The following GPATCH2L variants were observed in gnomAD, a reference collection of about 807,000 sequenced individuals.
GPATCH2L encodes the protein G patch domain-containing protein 2-like.
A neutral mutation model predicts 57.4 loss-of-function variants in GPATCH2L; 31 were observed. The ratio of observed to expected loss-of-function variants is 0.54; its 90% CI spans 0.41 to 0.73. The LOEUF (loss-of-function observed/expected upper bound fraction) is 0.73, where lower values mean the gene tolerates loss of function less well. GPATCH2L is among the 30% of genes least tolerant of loss of function. The pLI, the probability that GPATCH2L is intolerant of heterozygous loss-of-function variation, is 0.00. For synonymous variants in GPATCH2L, 199 were observed against 210.7 expected (o/e 0.94, Z 0.48); for missense variants, 481 against 599.9 (o/e 0.80, Z 2.07).
At chr14:76,218,413 G>A (rs1025504304), downstream of GPATCH2L, among the ~76,000 whole-genome samples, 8 of 152,010 alleles carry the variant, frequency 5.3e-5, no homozygotes, top group East Asian at 1.5e-3. Flanking sequence ...TCTAAGGGAA[G>A]AAAAGACCCA....
At chr14:76,155,316 T>C (rs2038255338) in intron 2 of GPATCH2L, among the ~76,000 whole-genome samples, 1 of 152,248 alleles carries the variant, frequency 6.6e-6, no homozygotes, top group South Asian at 2.1e-4. Context: ...ATTTGCTGCT[T>C]ATTATGCCAT....
chr14:76,235,267 C>A (rs770315425), intron 2 of GPATCH2L, among the ~76,000 whole-genome samples: 8 of 152,082 alleles, frequency 5.3e-5, no homozygotes, highest in African/African-American at 9.7e-5. Context: ...TGTCCCCACC[C>A]AAATCTCACC....
rs762903215 is a variant in GPATCH2L, at chr14:76,201,720, C to T, written c.1318C>T (p.Pro440Ser). 18 of 1,613,582 alleles carry T rather than the reference C, an allele frequency of 1.1e-5. No individual in the cohort carries two copies. The highest frequency in any genetic ancestry group is 1.5e-5 in the Non-Finnish European group (18 of 1,179,690). ...CATGGATGCAGTGGAGCCAACCACA[C>T]CAGCATCACAAGCCCCCAAATCACC... ...VHMDAVEPTT[P>S]ASQAPKSPSS... The change falls in exon 10 of 10, where the codon CCA becomes TCA. Residue 440 changes from proline to serine, a missense_variant. By Grantham distance (74) the Pro-to-Ser change is moderately conservative. Coordinates refer to ENST00000261530, the MANE Select transcript of GPATCH2L (RefSeq NM_017926.4).
At chr14:76,229,577 C>T (rs1396754646) in intron 1 of GPATCH2L, among the ~76,000 whole-genome samples, 2 of 152,152 alleles carry the variant, frequency 1.3e-5, no homozygotes, top group South Asian at 2.1e-4. Context: ...CTCGTTCTCC[C>T]GAGAAGCTGC....
At chr14:76,192,794 C>T (rs1486149068) in intron 8 of GPATCH2L, among the ~76,000 whole-genome samples, 1 of 152,136 alleles carries the variant, frequency 6.6e-6, no homozygotes, top group East Asian at 1.9e-4. Context: ...AAATAATTCA[C>T]TTAACAAGTT....
Position 76,203,699 on chromosome 14 carries a change from G to A in GPATCH2L, c.*1848G>A, listed in dbSNP as rs1595001353. On this transcript the variant is annotated 3_prime_UTR_variant, in exon 10 of 10. Transcript: ENST00000261530. The stretch of plus-strand genomic sequence containing the variant: ...TTCCCTGTGGGCTGCACCCGTAGAA[G>A]TATAGAAAATGTAATGTCTGTTGAA... 1 of 152,252 alleles carries A rather than the reference G, an allele frequency of 6.6e-6. No individual in the cohort carries two copies. Among genetic ancestry groups the A allele is most frequent in the African/African-American group, 2.4e-5 (1 of 41,466 alleles). 9.4% of individuals were successfully genotyped at this position (152,252 alleles called of 1,614,324 possible).
rs2040386086 is a variant in GPATCH2L, at chr14:76,207,044, G to C, written c.*5193G>C. 6.6e-6 allele frequency: 1 copy of C among 152,242 alleles called. No individual in the cohort carries two copies. The highest frequency in any genetic ancestry group is 2.1e-4 in the South Asian group (1 of 4,830). The allele number at this position is 152,242 out of a possible 1,614,324, so 9.4% of individuals were successfully genotyped here. Reference sequence around the variant, plus strand: ...TGAAAATGGATAAAGCCTGGGTGTGGTGACTCACGCCCATAATCCCAACAC... The same window carrying C: ...TGAAAATGGATAAAGCCTGGGTGTGCTGACTCACGCCCATAATCCCAACAC... On this transcript the variant is annotated 3_prime_UTR_variant, in exon 10 of 10. Transcript: ENST00000261530.
Position 76,231,996 on chromosome 14 carries a change from C to CCTCACTGCAGCCTCACTGCAGG in GPATCH2L, c.*117+2053_*117+2054insCCTCACTGCAGGCTCACTGCAG, listed in dbSNP as rs1555385023. On this transcript the variant is annotated intron_variant and NMD_transcript_variant, in intron 2 of 3. Coordinates refer to the GPATCH2L transcript ENST00000556372. Reference sequence around the variant, plus strand: ...CAGCCTCACTGCAGCCTCACTGCAGCCTCACTGCAGGCTCAAGCAATCTTC... The same window carrying CCTCACTGCAGCCTCACTGCAGG: ...CAGCCTCACTGCAGCCTCACTGCAGCCTCACTGCAGCCTCACTGCAGGCTCACTGCAGGCTCAAGCAATCTTC... 1.8e-4 allele frequency among the ~76,000 whole-genome samples: 26 copies of CCTCACTGCAGCCTCACTGCAGG among 148,176 alleles called. 1 individual carries two copies. Among genetic ancestry groups the CCTCACTGCAGCCTCACTGCAGG allele is most frequent in the African/African-American group, 5.0e-4 (20 of 39,748 alleles).
intron 1 of GPATCH2L, among the ~76,000 whole-genome samples, chr14:76,224,232 G>T (rs187183918): frequency 6.6e-6 from 1 of 152,318 alleles, no homozygotes; most frequent in African/African-American, 2.4e-5. Context: ...CTGCCAATGG[G>T]AAAAGGGGAA....
In GPATCH2L at chr14:76,154,527, C is replaced by T. The variant is rs769523353; in HGVS notation, c.164C>T (p.Ala55Val). ...RKRRSDFTHL[A>V]EHTCCYSEAS... ...CGTCGTTCTGACTTCACTCACCTGGCAGAGCATACCTGCTGCTACAGCGAG... is the reference window on the plus strand; with the variant it reads ...CGTCGTTCTGACTTCACTCACCTGGTAGAGCATACCTGCTGCTACAGCGAG... Residue 55 changes from alanine to valine, a missense_variant, in exon 2 of 10, where the codon GCA (alanine) becomes GTA (valine). Ala to Val is a moderately conservative substitution (Grantham distance 64, BLOSUM62 0). Transcript: ENST00000261530. The surrounding 1 kb of genome is among the most constrained non-coding windows in gnomAD (Gnocchi z 4.4). The T allele has an allele frequency of 1.9e-6, 3 of 1,614,116 alleles. No homozygotes were observed. The highest frequency in any genetic ancestry group is 1.3e-5 in the African/African-American group (1 of 74,932).
At position 76,182,455 on chromosome 14, in the gene GPATCH2L, G is replaced by A. The variant is rs1244374395; in HGVS notation, c.1193+1606G>A. 7.8e-5 allele frequency among the ~76,000 whole-genome samples: 11 copies of A among 140,884 alleles called. No individual in the cohort carries two copies. The East Asian group carries it at 2.3e-3, about 30-fold the overall frequency. The allele number at this position is 140,884 out of a possible 152,430, so 92.4% of individuals were successfully genotyped here. A position where few individuals can be genotyped will look rare whatever the true frequency, so the allele number is the denominator to read the frequency against. The stretch of plus-strand genomic sequence containing the variant: ...TTTTAAATCATTTGTGTCTGGTGAT[G>A]TACACCTGTAGTCTCAGCTACTTGG... On this transcript the variant is annotated intron_variant, in intron 8 of 9. Transcript: ENST00000261530.
downstream of GPATCH2L, among the ~76,000 whole-genome samples, chr14:76,218,959 C>T (rs1658654363): frequency 1.6e-5 from 2 of 127,552 alleles, no homozygotes; most frequent in Admixed American, 1.8e-4. Flanking sequence ...AAATTACAGA[C>T]AGTCTAAAGA....
At chr14:76,165,389 G>A (rs1234787098) in intron 2 of GPATCH2L, among the ~76,000 whole-genome samples, 3 of 151,834 alleles carry the variant, frequency 2.0e-5, no homozygotes, top group African/African-American at 7.3e-5. Flanking sequence ...CTACTTGGGA[G>A]GCTGAGGTAG....
chr14:76,216,497 G>T (rs775054819), downstream of GPATCH2L, among the ~76,000 whole-genome samples: 1 of 151,708 alleles, frequency 6.6e-6, no homozygotes, highest in Non-Finnish European at 1.5e-5. Context: ...ATATTTGAAA[G>T]CTTAGACAAA....
In GPATCH2L at chr14:76,221,035, G is replaced by GA. The variant is rs1414795239; in HGVS notation, c.66-8772dup. On this transcript the variant is annotated intron_variant and NMD_transcript_variant, in intron 1 of 3. Transcript: ENST00000556372. ...AATAATATTGATAAACCTCTAGCAA[G>GA]ACTGATTTAAAAAAAAAAAAGTCAA... 4.0e-5 allele frequency among the ~76,000 whole-genome samples: 6 copies of GA among 150,160 alleles called. No homozygotes were observed. The East Asian group carries it at 1.2e-3, about 29-fold the overall frequency.
At chr14:76,196,894 T>G (rs1380432048) in intron 9 of GPATCH2L, among the ~76,000 whole-genome samples, 2 of 152,138 alleles carry the variant, frequency 1.3e-5, no homozygotes, top group Non-Finnish European at 2.9e-5. Flanking sequence ...TCTTTGTGCT[T>G]CTGTTTGGAA....
At chr14:76,164,912 T>C (rs2038759275) in intron 2 of GPATCH2L, among the ~76,000 whole-genome samples, 2 of 152,244 alleles carry the variant, frequency 1.3e-5, no homozygotes, top group East Asian at 3.8e-4. Context: ...AGGGTGCCTC[T>C]GCTTTCAAAG....
chr14:76,228,516 A>G (rs1352820877), intron 1 of GPATCH2L, among the ~76,000 whole-genome samples: 2 of 152,194 alleles, frequency 1.3e-5, no homozygotes, highest in Non-Finnish European at 2.9e-5. Flanking sequence ...CTTTGAGATT[A>G]GCGTTCTGTG....
Position 76,202,019 on chromosome 14 carries a change from T to A in GPATCH2L, c.*168T>A. On this transcript the variant is annotated 3_prime_UTR_variant, in exon 10 of 10. Transcript: ENST00000261530. ...GGATTCTTTCTCTCAGAAGATCATG[T>A]TGTGGGAATCTTTTTTTTAAATAGT... is the stretch of plus-strand genomic sequence containing the variant. The A allele has an allele frequency of 1.9e-6, 1 of 520,378 alleles. No individual in the cohort carries two copies. Among genetic ancestry groups the A allele is most frequent in the Non-Finnish European group, 3.3e-6 (1 of 301,696 alleles). 32.2% of individuals were successfully genotyped at this position (520,378 alleles called of 1,614,324 possible).
Sources: gnomAD v4.1 joint callset for allele counts (sites outside exome capture counted in the v4.1 genomes callset) on GRCh38, gnomAD v4.1.1 for gene constraint, Gnocchi (gnomAD v3.1) non-coding constraint, MANE v1.5 for transcripts, NCBI Gene and HGNC (gene_info 2026-07-23, HGNC 2026-07-21) for gene names.